Variants in AFF3 observed in about 807,000 individuals in gnomAD.
AFF3 encodes the protein AF4/FMR2 family member 3.
AFF3 carries 32 observed loss-of-function variants against 129.7 expected under a neutral mutation model. The observed-to-expected ratio is 0.25, with a 90% CI of 0.19 to 0.33. The LOEUF (loss-of-function observed/expected upper bound fraction) is 0.33. AFF3 is among the 10% of genes least tolerant of loss of function. The probability of loss-of-function intolerance (pLI) is 1.00; values close to 1 mark genes in which losing one functional copy is unlikely to be tolerated. For synonymous variants in AFF3, 644 were observed against 635.4 expected, an observed-to-expected ratio of 1.01 and a Z score of -0.20; for missense variants, 1,373 against 1,592.0, an observed-to-expected ratio of 0.86 and a Z score of 2.34.
At chr2:99,727,891 G>C (rs1404634070) in intron 10 of AFF3, among the ~76,000 whole-genome samples, 1 of 152,164 alleles carries the variant, frequency 6.6e-6, no homozygotes, top group Non-Finnish European at 1.5e-5. Context: ...TGAACACTGA[G>C]GTTGCACTGT....
intron 13 of AFF3, among the ~76,000 whole-genome samples, chr2:99,616,352 TA>T (rs1187032597): frequency 6.6e-6 from 1 of 151,842 alleles, no homozygotes; most frequent in Non-Finnish European, 1.5e-5. Flanking sequence ...TTTTTTTTTT[TA>T]AAAACATCTT....
chr2:100,012,558 C>T (rs1001768854), intron 4 of AFF3, among the ~76,000 whole-genome samples: 3 of 152,320 alleles, frequency 2.0e-5, no homozygotes, highest in Non-Finnish European at 2.9e-5. Flanking sequence ...AGTAGCTTCT[C>T]GACAGTGAGC....
chr2:99,970,928 C>A (rs1042291065), intron 7 of AFF3, among the ~76,000 whole-genome samples: 2 of 152,324 alleles, frequency 1.3e-5, no homozygotes, highest in Admixed American at 6.5e-5. Context: ...GGCTTGCACT[C>A]CCTAAGTTTC....
At chr2:100,107,204 T>C in intron 2 of AFF3, 1 of 985,408 alleles carries the variant, frequency 1.0e-6, no homozygotes. Flanking sequence ...TCCTGTTTTT[T>C]ACTAAGCTGT....
chr2:99,619,212 T>G (rs1383463588), intron 13 of AFF3, among the ~76,000 whole-genome samples: 3 of 152,240 alleles, frequency 2.0e-5, no homozygotes. Context: ...ATTTCTCTCC[T>G]GTGTTTAAAG....
chr2:99,558,630 CATAAAAAAATAAAA>C (rs1213047821), intron 22 of AFF3, among the ~76,000 whole-genome samples: 3 of 151,970 alleles, frequency 2.0e-5, no homozygotes, highest in South Asian at 2.1e-4. Context: ...TCCAAAAATA[CATAAAAAAATAAAA>C]ATAAAAAAAT....
intron 7 of AFF3, among the ~76,000 whole-genome samples, chr2:99,875,017 A>C (rs1164179132): frequency 6.6e-6 from 1 of 152,208 alleles, no homozygotes; most frequent in Admixed American, 6.5e-5. Context: ...ACTTTTCTGT[A>C]AGTTTGAAAT....
In AFF3 at chr2:99,947,593, AAGAAAGAAAGATAGATAGAT is replaced by A. The variant is rs1445826374; in HGVS notation, c.873+59019_873+59038del. Among the ~76,000 whole-genome samples the A allele has an allele frequency of 4.2e-4, 59 of 140,284 alleles. No individual in the cohort carries two copies. In the East Asian group the frequency reaches 8.4e-3, roughly 20 times the overall value. The allele number at this position is 140,284 out of a possible 152,430, so 92.0% of individuals were successfully genotyped here. On this transcript the variant is annotated intron_variant, in intron 7 of 24. Coordinates refer to ENST00000672756, the MANE Select transcript of AFF3 (RefSeq NM_001386135.1). ...AGAAAGAAAAGAAAAGAAAGAAAGA[AAGAAAGAAAGATAGATAGAT>A]AGATAGATAGATAGATAGATAGATA...
intron 11 of AFF3, among the ~76,000 whole-genome samples, chr2:99,688,534 G>T (rs1675294773): frequency 6.6e-6 from 1 of 152,124 alleles, no homozygotes. Context: ...GTCTTGCTTG[G>T]TCACTCTGAT....
At chr2:99,672,023 T>C (rs1455651749) in intron 12 of AFF3, among the ~76,000 whole-genome samples, 3 of 152,168 alleles carry the variant, frequency 2.0e-5, no homozygotes, top group Non-Finnish European at 4.4e-5. Flanking sequence ...CATAATTACT[T>C]TTTATTCATC....
intron 1 of AFF3, among the ~76,000 whole-genome samples, chr2:100,135,168 T>A (rs1050916872): frequency 6.6e-6 from 1 of 152,144 alleles, no homozygotes; most frequent in Non-Finnish European, 1.5e-5. Flanking sequence ...CCCTGATAGG[T>A]CACAGTGAAG....
chr2:100,051,191 C>T (rs1284450487), intron 4 of AFF3, among the ~76,000 whole-genome samples: 1 of 152,144 alleles, frequency 6.6e-6, no homozygotes, highest in African/African-American at 2.4e-5. Context: ...GACATCAAGC[C>T]CCTTTGTTTA....
chr2:99,795,284 A>C (rs1000899860), intron 8 of AFF3, among the ~76,000 whole-genome samples: 24 of 152,202 alleles, frequency 1.6e-4, no homozygotes. Context: ...TAAGTGAAAC[A>C]ATACAGAAAG....
At chr2:99,985,672 G>C (rs759090915) in intron 7 of AFF3, among the ~76,000 whole-genome samples, 7 of 152,052 alleles carry the variant, frequency 4.6e-5, no homozygotes, top group Non-Finnish European at 1.0e-4. Flanking sequence ...ATAATATACA[G>C]CACAAAAATG....
intron 2 of AFF3, among the ~76,000 whole-genome samples, chr2:100,118,766 C>G (rs993360724): frequency 6.6e-6 from 1 of 151,960 alleles, no homozygotes; most frequent in Non-Finnish European, 1.5e-5. Flanking sequence ...TGGAATACTT[C>G]CTTGCATTCT....
At chr2:99,762,611 T>C (rs566203709) in intron 8 of AFF3, among the ~76,000 whole-genome samples, 4 of 152,220 alleles carry the variant, frequency 2.6e-5, no homozygotes, top group African/African-American at 4.8e-5. Context: ...TAGGAATTAA[T>C]TGAACTTCTC....
At chr2:100,080,721 G>C (rs569740786) in intron 4 of AFF3, among the ~76,000 whole-genome samples, 3 of 152,150 alleles carry the variant, frequency 2.0e-5, no homozygotes, top group South Asian at 4.2e-4. Context: ...CCCCACCCCC[G>C]GCCAGGATGC....
At chr2:100,122,332 C>A (rs1252090400) in intron 2 of AFF3, among the ~76,000 whole-genome samples, 1 of 152,186 alleles carries the variant, frequency 6.6e-6, no homozygotes, top group Admixed American at 6.5e-5. Flanking sequence ...AGAGAACCAT[C>A]CAAAATCAGA....
intron 8 of AFF3, among the ~76,000 whole-genome samples, chr2:99,753,588 T>C (rs1395080268): frequency 1.3e-5 from 2 of 152,098 alleles, no homozygotes; most frequent in Non-Finnish European, 2.9e-5. Context: ...TTGGGAATGG[T>C]CGGGCACCTT....
Sources: allele counts gnomAD v4.1 joint callset (sites outside exome capture counted in the v4.1 genomes callset), GRCh38; gene constraint gnomAD v4.1.1; transcripts MANE v1.5; gene names NCBI Gene and HGNC (gene_info 2026-07-23, HGNC 2026-07-21).